LDB3: variants seen among roughly 807,000 people sequenced by gnomAD.
The protein encoded by LDB3 is LIM domain-binding protein 3.
LDB3 carries 49 observed loss-of-function variants against 69.0 expected under a neutral mutation model. The observed-to-expected ratio is 0.71, with a 90% CI of 0.56 to 0.90. The LOEUF is 0.90. Ranked by LOEUF, LDB3 falls within the 40% of genes least tolerant of loss-of-function variation. The probability of loss-of-function intolerance (pLI) is 0.00; values close to 1 mark genes in which losing one functional copy is unlikely to be tolerated. For synonymous variants in LDB3, 387 were observed against 396.2 expected (o/e 0.98, Z 0.28); for missense variants, 928 against 974.1 (o/e 0.95, Z 0.63).
At chr10:86,695,799 T>C (rs55991418) in intron 7 of LDB3, among the ~76,000 whole-genome samples, 1,833 of 152,228 alleles carry the variant, frequency 0.012, 41 homozygotes, top group African/African-American at 0.041. Flanking sequence ...ACATTGGGGA[T>C]AGGGGTGGGG....
intron 7 of LDB3, 44 bp downstream of exon 7, chr10:86,692,615 C>T (rs201520293): frequency 3.7e-5 from 58 of 1,575,312 alleles, no homozygotes; most frequent in East Asian, 2.0e-4. Context: ...CCTCTAGCCC[C>T]GTCCCTCCCC....
chr10:86,678,931 T>G (rs1243915385), intron 2 of LDB3, among the ~76,000 whole-genome samples: 2 of 152,216 alleles, frequency 1.3e-5, no homozygotes, highest in African/African-American at 4.8e-5. Context: ...TGAGCCACCA[T>G]GTCCAACAGC....
chr10:86,724,276 C>T (rs1847181394), intron 12 of LDB3, among the ~76,000 whole-genome samples: 1 of 148,266 alleles, frequency 6.7e-6, no homozygotes, highest in East Asian at 2.0e-4. Flanking sequence ...TGTGCCACTG[C>T]ACTCCACCTG....
At position 86,718,695 on chromosome 10, in the gene LDB3, T is replaced by G. The variant is rs3740348; in HGVS notation, c.1858-32T>G. 179 of 1,614,080 alleles carry G rather than the reference T, an allele frequency of 1.1e-4. 1 individual carries two copies. The East Asian group carries it at 4.0e-3, about 36-fold the overall frequency. Reference sequence around the variant, plus strand: ...GTAGTCAAGCCCGCTCCCTCTCTCCTTTCTGTCCTGAGCTTAGGCTCTTTC... The same window carrying G: ...GTAGTCAAGCCCGCTCCCTCTCTCCGTTCTGTCCTGAGCTTAGGCTCTTTC... On this transcript the variant is annotated intron_variant, in intron 11 of 13. Coordinates refer to ENST00000361373, the MANE Select transcript of LDB3 (RefSeq NM_007078.3).
intron 2 of LDB3, among the ~76,000 whole-genome samples, chr10:86,676,721 G>C (rs750643693): frequency 3.3e-5 from 5 of 152,236 alleles, no homozygotes; most frequent in Non-Finnish European, 7.3e-5. Context: ...TAATGTGGTC[G>C]TGCAGAAACA....
At chr10:86,688,874 T>G (rs994388454) in intron 5 of LDB3, among the ~76,000 whole-genome samples, 1 of 152,210 alleles carries the variant, frequency 6.6e-6, no homozygotes, top group Non-Finnish European at 1.5e-5. Context: ...CCCATCAGTT[T>G]TGGAATTGAT....
intron 5 of LDB3, among the ~76,000 whole-genome samples, chr10:86,684,876 A>G (rs11593608): frequency 0.1 from 15,255 of 152,148 alleles, 1,214 homozygotes; most frequent in African/African-American, 0.21. Flanking sequence ...AAAGAAACAC[A>G]GGACAGACAC....
chr10:86,687,309 C>T (rs1016585664), intron 5 of LDB3: 6 of 1,596,196 alleles, frequency 3.8e-6, no homozygotes, highest in Admixed American at 3.3e-5. Context: ...CTCAGTGCCT[C>T]CAGAGCCCGA....
At position 86,699,132 on chromosome 10, in the gene LDB3, T is replaced by G; in HGVS notation, c.896+6561T>G. 1 of 908,380 alleles carries G rather than the reference T, an allele frequency of 1.1e-6. No individual in the cohort carries two copies. Among genetic ancestry groups the G allele is most frequent in the Non-Finnish European group, 1.8e-6 (1 of 566,294 alleles). 56.3% of individuals were successfully genotyped at this position (908,380 alleles called of 1,614,324 possible). Reference sequence around the variant, plus strand: ...GCATAGCTTCTCCAAGCCCGTTCCCTCCCTCCCATGCCCTCTGCCCCACCT... The same window carrying G: ...GCATAGCTTCTCCAAGCCCGTTCCCGCCCTCCCATGCCCTCTGCCCCACCT... On this transcript the variant is annotated intron_variant, in intron 7 of 13. Transcript: ENST00000361373. The surrounding 1 kb of genome is among the most constrained non-coding windows in gnomAD (Gnocchi z 4.9).
intron 12 of LDB3, among the ~76,000 whole-genome samples, chr10:86,721,683 C>G (rs1253217111): frequency 1.3e-5 from 2 of 152,204 alleles, no homozygotes; most frequent in Non-Finnish European, 2.9e-5. Flanking sequence ...GCAACATCAC[C>G]TGAGAACTTG....
At chr10:86,681,978 G>A (rs1329844320) in intron 5 of LDB3, among the ~76,000 whole-genome samples, 175 bp downstream of exon 5, 2 of 152,188 alleles carry the variant, frequency 1.3e-5, no homozygotes, top group Middle Eastern at 3.2e-3. Context: ...GCATGCTAGC[G>A]ATTTATACAA....
chr10:86,688,804 T>G (rs531457658), intron 5 of LDB3, among the ~76,000 whole-genome samples: 12 of 152,318 alleles, frequency 7.9e-5, no homozygotes, highest in Admixed American at 6.5e-4. Context: ...TGCTCTTCAC[T>G]AACTTTCTGT....
At chr10:86,677,192 A>C (rs1246070258) in intron 2 of LDB3, among the ~76,000 whole-genome samples, 1 of 152,146 alleles carries the variant, frequency 6.6e-6, no homozygotes. Flanking sequence ...GGCACTCCTC[A>C]TGATGTCATG....
chr10:86,722,628 T>C (rs982547065), intron 12 of LDB3, among the ~76,000 whole-genome samples: 2 of 128,612 alleles, frequency 1.6e-5, no homozygotes, highest in African/African-American at 5.8e-5. Flanking sequence ...TACAGTGGCA[T>C]GCTATCTTGA....
chr10:86,726,273 T>C, intron 13 of LDB3, 21 bp downstream of exon 13: 1 of 1,598,804 alleles, frequency 6.3e-7, no homozygotes, highest in Non-Finnish European at 8.6e-7. Context: ...AGCTTGGGGC[T>C]CTGGCTTTCT....
rs56209295 is a variant in LDB3, at chr10:86,735,052, TACACACACACACACACACAC to T, written c.*2105_*2124del. The stretch of plus-strand genomic sequence containing the variant: ...TTCCAAAATCTCTTTTTAAAGGGTT[TACACACACACACACACACAC>T]ACACACACACACACACACACACACA... On this transcript the variant is annotated 3_prime_UTR_variant, in exon 14 of 14. Transcript: ENST00000361373. The T allele has an allele frequency of 1.5e-4, 17 of 112,392 alleles. No homozygotes were observed. Among genetic ancestry groups the T allele is most frequent in the African/African-American group, 4.4e-4 (12 of 27,164 alleles). The allele number at this position is 112,392 out of a possible 1,614,324, so 7.0% of individuals were successfully genotyped here.
chr10:86,721,071 A>C (rs1219445655), intron 12 of LDB3, among the ~76,000 whole-genome samples: 1 of 152,142 alleles, frequency 6.6e-6, no homozygotes, highest in Non-Finnish European at 1.5e-5. Flanking sequence ...TGGCCTCCTG[A>C]AGTGCTGGGA....
chr10:86,729,427 G>A (rs1330114578), intron 13 of LDB3, among the ~76,000 whole-genome samples: 1 of 152,174 alleles, frequency 6.6e-6, no homozygotes, highest in Non-Finnish European at 1.5e-5. Flanking sequence ...TCTAAGTCTT[G>A]CCCTTCCCCA....
intron 12 of LDB3, among the ~76,000 whole-genome samples, chr10:86,724,611 AT>A (rs1381797039): frequency 5.3e-5 from 8 of 151,742 alleles, no homozygotes; most frequent in African/African-American, 1.9e-4. Context: ...GCAAAAAAAA[AT>A]AAAAATAAAA....
Sources: gnomAD v4.1 joint callset for allele counts (sites outside exome capture counted in the v4.1 genomes callset) on GRCh38, gnomAD v4.1.1 for gene constraint, Gnocchi (gnomAD v3.1) non-coding constraint, MANE v1.5 for transcripts, NCBI Gene and HGNC (gene_info 2026-07-23, HGNC 2026-07-21) for gene names.